The following MRPS21 variants were observed in gnomAD, a reference collection of about 807,000 sequenced individuals.
MRPS21 encodes mitochondrial ribosomal protein S21.
In MRPS21, 8 loss-of-function variants were observed where a neutral mutation model predicts 9.9. The ratio of observed to expected loss-of-function variants is 0.81; its 90% CI spans 0.47 to 1.45. The LOEUF is 1.45. Among genes scored for constraint, MRPS21 ranks in the 40% most tolerant of loss-of-function variants. The pLI is 0.00. For missense variants in MRPS21, 101 were observed against 118.9 expected, an observed-to-expected ratio of 0.85 and a Z score of 0.70; for synonymous variants, 40 against 40.3, an observed-to-expected ratio of 0.99 and a Z score of 0.03.
chr1:150,295,856 T>A (rs1653897410), intron 2 of MRPS21, among the ~76,000 whole-genome samples: 1 of 151,806 alleles, frequency 6.6e-6, no homozygotes, highest in Admixed American at 6.6e-5. Flanking sequence ...GAAAAATACA[T>A]AAATGGAAAC....
chr1:150,307,311 G>A (rs1446214422), intron 2 of MRPS21, among the ~76,000 whole-genome samples: 1 of 145,668 alleles, frequency 6.9e-6, no homozygotes, highest in East Asian at 2.0e-4. Context: ...GCTTCCCGAA[G>A]TGCTAGGATT....
chr1:150,303,782 A>AC lies in MRPS21; in HGVS notation c.84-4266_84-4265insC. On this transcript the variant is annotated intron_variant, in intron 2 of 2. Coordinates refer to ENST00000614145, the MANE Select transcript of MRPS21 (RefSeq NM_031901.6). ...ATGCCATCGTAGTAAAGGTAATACT[A>AC]TTGAGGCTTTCTGAGCTATATCCCC... is the stretch of plus-strand genomic sequence containing the variant. The AC allele has an allele frequency of 1.3e-5, 5 of 398,994 alleles. No homozygotes were observed. In the East Asian group the frequency reaches 3.0e-4, roughly 24 times the overall value. 24.7% of individuals were successfully genotyped at this position (398,994 alleles called of 1,614,324 possible). A position where few individuals can be genotyped will look rare whatever the true frequency, so the allele number is the denominator to read the frequency against.
chr1:150,294,534 C>A, intron 2 of MRPS21, 85 bp downstream of exon 2: 2 of 1,154,800 alleles, frequency 1.7e-6, no homozygotes, highest in South Asian at 1.3e-5. Context: ...GTTGATTGTT[C>A]TCAAAACAGT....
chr1:150,294,563 A>G, intron 2 of MRPS21, 114 bp downstream of exon 2: 1 of 904,780 alleles, frequency 1.1e-6, no homozygotes, highest in Non-Finnish European at 1.8e-6. Flanking sequence ...AGGTGTTCAC[A>G]GTCTCTTAAA....
intron 2 of MRPS21, among the ~76,000 whole-genome samples, chr1:150,300,502 ATGTT>A (rs587667552): frequency 2.2e-4 from 34 of 152,320 alleles, no homozygotes; most frequent in Admixed American, 1.1e-3. Context: ...CACTTATTTA[ATGTT>A]TGTCAAACTT....
intron 2 of MRPS21, chr1:150,304,737 CAG>C (rs1378261125): frequency 1.4e-5 from 2 of 139,754 alleles, no homozygotes; most frequent in African/African-American, 7.1e-5. Context: ...GCCTGGGCAA[CAG>C]AGCGAGACTC....
chr1:150,303,915 G>A (rs1553858028), intron 2 of MRPS21: 1 of 455,972 alleles, frequency 2.2e-6, no homozygotes, highest in Non-Finnish European at 4.4e-6. Flanking sequence ...TCTTTGCCAA[G>A]TATTTTGTTA....
Position 150,308,457 on chromosome 1 carries a change from T to C in MRPS21, c.*229T>C. Reference sequence around the variant, plus strand: ...AAAGTACTCTAGGAGTAGAATGGTATTTGCCAGGGACTGGAGGAGGGGGCA... The same window carrying C: ...AAAGTACTCTAGGAGTAGAATGGTACTTGCCAGGGACTGGAGGAGGGGGCA... On this transcript the variant is annotated 3_prime_UTR_variant, in exon 3 of 3. Coordinates refer to ENST00000614145, the MANE Select transcript of MRPS21 (RefSeq NM_031901.6). The C allele has an allele frequency of 2.4e-6, 1 of 424,132 alleles. No homozygotes were observed. Among genetic ancestry groups the C allele is most frequent in the Non-Finnish European group, 4.2e-6 (1 of 235,504 alleles). The allele number at this position is 424,132 out of a possible 1,614,324, so 26.3% of individuals were successfully genotyped here. A position where few individuals can be genotyped will look rare whatever the true frequency, so the allele number is the denominator to read the frequency against.
At chr1:150,298,322 C>T (rs782146220) in intron 2 of MRPS21, among the ~76,000 whole-genome samples, 2 of 152,180 alleles carry the variant, frequency 1.3e-5, no homozygotes, top group African/African-American at 2.4e-5. Context: ...GCATGTATTA[C>T]GTGTAACTTC....
chr1:150,308,419 G>A lies in MRPS21; in HGVS notation c.*191G>A. 1 of 528,068 alleles carries A rather than the reference G, an allele frequency of 1.9e-6. No individual in the cohort carries two copies. Among genetic ancestry groups the A allele is most frequent in the South Asian group, 3.7e-5 (1 of 27,128 alleles). The allele number at this position is 528,068 out of a possible 1,614,324, so 32.7% of individuals were successfully genotyped here. A position where few individuals can be genotyped will look rare whatever the true frequency, so the allele number is the denominator to read the frequency against. ...CCCTGTCTTTTATTAAGTGAAAGAA[G>A]AAACTGAGTCTGAAAGTACTCTAGG... On this transcript the variant is annotated 3_prime_UTR_variant, in exon 3 of 3. Coordinates refer to ENST00000614145, the MANE Select transcript of MRPS21 (RefSeq NM_031901.6).
At chr1:150,304,239 A>G in intron 2 of MRPS21, 1 of 282,392 alleles carries the variant, frequency 3.5e-6, no homozygotes, top group South Asian at 3.3e-5. Flanking sequence ...TGAACCTGAG[A>G]GGTTGAGGCT....
intron 2 of MRPS21, among the ~76,000 whole-genome samples, chr1:150,299,520 TCTCGG>T (rs1433805957): frequency 6.6e-6 from 1 of 152,140 alleles, no homozygotes; most frequent in Non-Finnish European, 1.5e-5. Context: ...AGTGGCATGA[TCTCGG>T]CTCACTGCAA....
In MRPS21 at chr1:150,297,752, A is replaced by G. The variant is rs114092948; in HGVS notation, c.83+3303A>G. On this transcript the variant is annotated intron_variant, in intron 2 of 2. Transcript: ENST00000614145. ...TCCTTGGGCTGAAGCTGTTCCCTCTACATTGTCACCTATGCTGAGAGTAAA... is the reference window on the plus strand; with the variant it reads ...TCCTTGGGCTGAAGCTGTTCCCTCTGCATTGTCACCTATGCTGAGAGTAAA... Among the ~76,000 whole-genome samples the G allele has an allele frequency of 1.2e-3, 190 of 152,180 alleles. 2 individuals carry two copies. The highest frequency in any genetic ancestry group is 4.4e-3 in the African/African-American group (183 of 41,540).
intron 2 of MRPS21, among the ~76,000 whole-genome samples, chr1:150,298,935 G>T (rs1358910515): frequency 1.3e-5 from 2 of 152,184 alleles, no homozygotes; most frequent in African/African-American, 2.4e-5. Context: ...GAGAGTAGCG[G>T]CTGGGTGCAG....
At chr1:150,302,020 T>C (rs1248171048) in intron 2 of MRPS21, among the ~76,000 whole-genome samples, 7 of 152,218 alleles carry the variant, frequency 4.6e-5, no homozygotes. Context: ...TGATGCACTT[T>C]TCTGTTTCTT....
At chr1:150,303,805 C>A in intron 2 of MRPS21, 1 of 432,966 alleles carries the variant, frequency 2.3e-6, no homozygotes, top group Non-Finnish European at 4.7e-6. Flanking sequence ...GAGCTATATC[C>A]CCAATAACTG....
intron 2 of MRPS21, chr1:150,304,915 T>A (rs1165858668): frequency 3.3e-6 from 1 of 303,278 alleles, no homozygotes. Flanking sequence ...AGCTGGTGCT[T>A]GTAATTCCGG....
Position 150,296,705 on chromosome 1 carries a change from T to C in MRPS21, c.83+2256T>C, listed in dbSNP as rs587742897. ...TTTATTGGGTTATGCAGTTATTGAA[T>C]GGTGGAGAGGAGCCTAAAGCACATC... On this transcript the variant is annotated intron_variant, in intron 2 of 2. Transcript: ENST00000614145. Among the ~76,000 whole-genome samples, 4 of 152,324 alleles carry C rather than the reference T, an allele frequency of 2.6e-5. No individual in the cohort carries two copies. The South Asian group carries it at 8.3e-4, about 32-fold the overall frequency.
rs184549276 is a variant in MRPS21, at chr1:150,295,857, A to G, written c.83+1408A>G. On this transcript the variant is annotated intron_variant, in intron 2 of 2. Transcript: ENST00000614145. ...AGATACAGCATAAGGAAAAATACAT[A>G]AATGGAAACAAACTAGCTGGGGTGG... Among the ~76,000 whole-genome samples the G allele has an allele frequency of 2.3e-3, 347 of 152,314 alleles. 3 individuals are homozygous for G. The highest frequency in any genetic ancestry group is 0.019 in the Admixed American group (294 of 15,290).
Sources: allele counts gnomAD v4.1 joint callset (sites outside exome capture counted in the v4.1 genomes callset), GRCh38; gene constraint gnomAD v4.1.1; transcripts MANE v1.5; gene names NCBI Gene and HGNC (gene_info 2026-07-23, HGNC 2026-07-21).